Variants in RLN2 observed in about 807,000 individuals in gnomAD.
The protein encoded by RLN2 is prorelaxin H2.
In RLN2, 10 loss-of-function variants were observed where a neutral mutation model predicts 7.3. The ratio of observed to expected loss-of-function variants is 1.36; its 90% confidence interval spans 0.84 to 2.31. The LOEUF (loss-of-function observed/expected upper bound fraction) is 2.31, where lower values mean the gene tolerates loss of function less well. Ranked by LOEUF, RLN2 falls within the 30% of genes most tolerant of loss-of-function variation. The pLI is 0.00. For missense variants in RLN2, 298 were observed against 217.6 expected (o/e 1.37, Z -2.32); for synonymous variants, 103 against 82.3 (o/e 1.25, Z -1.36).
At chr9:5,304,832 C>T (rs954323663), upstream of RLN2, 73 of 540,716 alleles carry the variant, frequency 1.4e-4, 2 homozygotes, top group African/African-American at 1.4e-3. Flanking sequence ...GCCTTTCCTT[C>T]ATTTGCCCAT....
the RLN2 span, among the ~76,000 whole-genome samples, chr9:5,336,319 A>G: frequency 0.049 from 7,420 of 152,092 alleles, 669 homozygotes; most frequent in African/African-American, 0.17. Context: ...TGTACTGACT[A>G]ATGTTTTCTG....
At chr9:5,316,089 A>G in the RLN2 span, among the ~76,000 whole-genome samples, 3 of 152,154 alleles carry the variant, frequency 2.0e-5, no homozygotes, top group African/African-American at 7.2e-5. Flanking sequence ...TAAGTCATGT[A>G]TATCTTTAGC....
At chr9:5,324,114 T>C in the RLN2 span, among the ~76,000 whole-genome samples, 1 of 152,090 alleles carries the variant, frequency 6.6e-6, no homozygotes, top group Non-Finnish European at 1.5e-5. Context: ...TAGTCATTTT[T>C]ATTGTTATAT....
chr9:5,320,088 C>A, the RLN2 span, among the ~76,000 whole-genome samples: 1 of 151,306 alleles, frequency 6.6e-6, no homozygotes, highest in East Asian at 2.0e-4. Context: ...CGGATTCAAG[C>A]CATTCTCCTG....
the RLN2 span, among the ~76,000 whole-genome samples, chr9:5,331,988 G>C: frequency 3.3e-5 from 5 of 151,840 alleles, no homozygotes; most frequent in Non-Finnish European, 7.4e-5. Flanking sequence ...CAAGTATAAG[G>C]GTGTCCATTG....
At chr9:5,335,726 C>G in the RLN2 span, 2 of 631,706 alleles carry the variant, frequency 3.2e-6, no homozygotes, top group South Asian at 2.1e-5. Flanking sequence ...CATTGAAACA[C>G]AAAAGCATCC....
the RLN2 span, among the ~76,000 whole-genome samples, chr9:5,311,111 C>T: frequency 6.6e-6 from 1 of 152,016 alleles, no homozygotes; most frequent in Non-Finnish European, 1.5e-5. Context: ...TAGGCCATCA[C>T]CTGACTCAAA....
At chr9:5,309,039 G>C (rs148004818), upstream of RLN2, among the ~76,000 whole-genome samples, 5 of 152,040 alleles carry the variant, frequency 3.3e-5, no homozygotes, top group Admixed American at 6.6e-5. Flanking sequence ...ATAAATTTCT[G>C]TCAGTCTCAT....
chr9:5,300,071 T>G lies in RLN2; in HGVS notation c.*27A>C. ...TCATTAAGAATATGTGTGAATATTA[T>G]ACGAGATGTGCACAATTAGCTTCAT... On this transcript the variant is annotated 3_prime_UTR_variant, in exon 2 of 2. Transcript: ENST00000381627. 7.3e-7 allele frequency: 1 copy of G among 1,373,860 alleles called. No individual in the cohort carries two copies. The allele number at this position is 1,373,860 out of a possible 1,614,324, so 85.1% of individuals were successfully genotyped here.
Position 5,300,384 on chromosome 9 carries a change from A to G in RLN2, c.272T>C (p.Val91Ala), listed in dbSNP as rs1268448627. ...CTTCAGCTCCTGTGGCAAATTAGCA[A>G]CAAATTCTGACATCATATTTATGGT... is the stretch of plus-strand genomic sequence containing the variant. ...TETINMMSEF[V>A]ANLPQELKLT... Residue 91 changes from valine (V) to alanine (A), a missense_variant, in exon 2 of 2, where the codon GTT (valine) becomes GCT (alanine). Physicochemically the swap from Val to Ala is moderately conservative, Grantham distance 64 (BLOSUM62 0). Coordinates refer to ENST00000381627, the MANE Select transcript of RLN2 (RefSeq NM_134441.3). 2 of 1,613,012 alleles carry G rather than the reference A, an allele frequency of 1.2e-6. No individual in the cohort carries two copies. The highest frequency in any genetic ancestry group is 1.7e-6 in the Non-Finnish European group (2 of 1,179,708).
the RLN2 span, among the ~76,000 whole-genome samples, chr9:5,325,128 T>C: frequency 8.6e-5 from 13 of 151,960 alleles, no homozygotes; most frequent in African/African-American, 2.9e-4. Flanking sequence ...AAATAACTGC[T>C]ATTGCTGGCC....
the RLN2 span, among the ~76,000 whole-genome samples, chr9:5,309,731 C>A: frequency 6.6e-6 from 1 of 152,030 alleles, no homozygotes; most frequent in African/African-American, 2.4e-5. Flanking sequence ...GTAGGTCTTT[C>A]CTGCTAGACT....
chr9:5,309,257 C>T (rs1816305464), upstream of RLN2, among the ~76,000 whole-genome samples: 1 of 152,070 alleles, frequency 6.6e-6, no homozygotes, highest in African/African-American at 2.4e-5. Context: ...TTTGCTACCT[C>T]TTCCCACATC....
At chr9:5,323,652 TA>T in the RLN2 span, among the ~76,000 whole-genome samples, 1 of 152,028 alleles carries the variant, frequency 6.6e-6, no homozygotes, top group Admixed American at 6.6e-5. Context: ...TCAGAGGTTT[TA>T]AAATATCTAA....
upstream of RLN2, among the ~76,000 whole-genome samples, chr9:5,308,871 A>G (rs1816299128): frequency 6.6e-6 from 1 of 152,078 alleles, no homozygotes; most frequent in African/African-American, 2.4e-5. Context: ...AGGCAGTCAC[A>G]TCCTTTCGTG....
At chr9:5,323,856 G>T in the RLN2 span, among the ~76,000 whole-genome samples, 6 of 151,892 alleles carry the variant, frequency 4.0e-5, no homozygotes, top group African/African-American at 1.5e-4. Context: ...AGACCAACCT[G>T]GCCAACATGG....
the RLN2 span, among the ~76,000 whole-genome samples, chr9:5,332,806 G>C: frequency 6.6e-6 from 1 of 151,612 alleles, no homozygotes; most frequent in African/African-American, 2.4e-5. Flanking sequence ...TAGTAGAAAC[G>C]GGGTTTCACC....
the RLN2 span, among the ~76,000 whole-genome samples, chr9:5,317,151 A>G: frequency 5.9e-5 from 9 of 152,014 alleles, no homozygotes; most frequent in Admixed American, 5.9e-4. Flanking sequence ...TAAACAACAA[A>G]CAAAGGATCT....
the RLN2 span, among the ~76,000 whole-genome samples, chr9:5,333,669 T>C: frequency 6.6e-6 from 1 of 151,954 alleles, no homozygotes; most frequent in Admixed American, 6.6e-5. Context: ...ACTCATTCTA[T>C]GAGGACAGCA....
Sources: gnomAD v4.1 joint callset for allele counts (sites outside exome capture counted in the v4.1 genomes callset) on GRCh38, gnomAD v4.1.1 for gene constraint, MANE v1.5 for transcripts, NCBI Gene and HGNC (gene_info 2026-07-23, HGNC 2026-07-21) for gene names.